Variants in HS3ST2 observed in about 807,000 individuals in gnomAD.
The protein encoded by HS3ST2 is heparan sulfate glucosamine 3-O-sulfotransferase 2.
HS3ST2 carries 17 observed loss-of-function variants against 26.3 expected under a neutral mutation model. That is an observed-to-expected ratio of 0.65 (90% CI 0.44 to 0.97). The LOEUF (loss-of-function observed/expected upper bound fraction) is 0.97, where lower values mean the gene tolerates loss of function less well. Among genes scored for constraint, HS3ST2 ranks in the 50% least tolerant of loss-of-function variants. The pLI is 0.00. For synonymous variants in HS3ST2, 237 were observed against 219.2 expected (o/e 1.08, Z -0.72); for missense variants, 402 against 501.2 (o/e 0.80, Z 1.89).
intron 1 of HS3ST2, among the ~76,000 whole-genome samples, chr16:22,894,406 C>T (rs1902176698): frequency 6.6e-6 from 1 of 152,198 alleles, no homozygotes; most frequent in South Asian, 2.1e-4. Context: ...TGTAGCTCCT[C>T]TTTCTAGAGA....
rs570380673 is a variant in HS3ST2 at position 22,903,568 on chromosome 16, G to A, written c.486-11376G>A. ...TCATAACTGTCACATCTCTATATTG[G>A]CAATGCTTAGTCCTGTGCCTGGCAT... is the stretch of plus-strand genomic sequence containing the variant. On this transcript the variant is annotated intron_variant, in intron 1 of 1. Transcript: ENST00000261374. Among the ~76,000 whole-genome samples, 30 of 152,232 alleles carry A rather than the reference G, an allele frequency of 2.0e-4. No homozygotes were observed. The South Asian group carries it at 6.2e-3, about 32-fold the overall frequency.
rs114529492 is a variant in HS3ST2 at position 22,851,426 on chromosome 16, G to A, written c.485+36331G>A. Among the ~76,000 whole-genome samples, 1,411 of 152,290 alleles carry A rather than the reference G, an allele frequency of 9.3e-3. 28 individuals are homozygous for A. Among genetic ancestry groups the A allele is most frequent in the African/African-American group, 0.032 (1,347 of 41,550 alleles). On this transcript the variant is annotated intron_variant, in intron 1 of 1. Transcript: ENST00000261374. ...CAAGGGGCTTGCTCAAAATCAAAGA[G>A]CCAATAATTGGCAAAACTAGAATTA...
rs144183513 is a variant in HS3ST2, at chr16:22,829,342, T to C, written c.485+14247T>C. ...AGAATAGGTGGGGATTTGTCCCATT[T>C]ATACAAGTCTTATTTAAATAGGGTA... is the stretch of plus-strand genomic sequence containing the variant. On this transcript the variant is annotated intron_variant, in intron 1 of 1. Coordinates refer to ENST00000261374, the MANE Select transcript of HS3ST2 (RefSeq NM_006043.2). Among the ~76,000 whole-genome samples, 984 of 152,332 alleles carry C rather than the reference T, an allele frequency of 6.5e-3. 14 individuals carry two copies. The highest frequency in any genetic ancestry group is 0.023 in the African/African-American group (936 of 41,564).
intron 1 of HS3ST2, among the ~76,000 whole-genome samples, chr16:22,831,495 T>G (rs1433643943): frequency 2.0e-5 from 3 of 152,160 alleles, no homozygotes; most frequent in Non-Finnish European, 4.4e-5. Context: ...TATTTTTAGG[T>G]CTCCTTCCCT....
intron 1 of HS3ST2, among the ~76,000 whole-genome samples, chr16:22,852,728 A>G (rs1901535240): frequency 6.6e-6 from 1 of 152,130 alleles, no homozygotes; most frequent in Non-Finnish European, 1.5e-5. Flanking sequence ...AAGCTCAGCC[A>G]TTTCTCTCAT....
intron 1 of HS3ST2, among the ~76,000 whole-genome samples, chr16:22,859,716 G>T (rs745430882): frequency 6.6e-6 from 1 of 152,128 alleles, no homozygotes; most frequent in Non-Finnish European, 1.5e-5. Flanking sequence ...TATAATCTAT[G>T]ATTTATAGCT....
chr16:22,851,971 A>G (rs1429237681), intron 1 of HS3ST2, among the ~76,000 whole-genome samples: 1 of 152,220 alleles, frequency 6.6e-6, no homozygotes, highest in Non-Finnish European at 1.5e-5. Context: ...AGACACGTGG[A>G]GCAGGCTTGG....
intron 1 of HS3ST2, among the ~76,000 whole-genome samples, chr16:22,895,070 C>CTTTTTTTTT (rs55861016): frequency 7.4e-6 from 1 of 134,724 alleles, no homozygotes. Context: ...TTCTTTCTTT[C>CTTTTTTTTT]TTTTTTTTTT....
intron 1 of HS3ST2, among the ~76,000 whole-genome samples, chr16:22,829,904 G>A (rs958248312): frequency 7.9e-5 from 12 of 152,148 alleles, no homozygotes; most frequent in Non-Finnish European, 1.5e-4. Flanking sequence ...GCTGTGCTTG[G>A]AAGACAAGAG....
intron 1 of HS3ST2, among the ~76,000 whole-genome samples, chr16:22,886,731 T>G (rs760623149): frequency 1.5e-4 from 23 of 152,150 alleles, no homozygotes; most frequent in Non-Finnish European, 2.9e-4. Context: ...TACTTCACAT[T>G]TTTAGTGTTA....
chr16:22,868,959 C>T (rs751700990), intron 1 of HS3ST2, among the ~76,000 whole-genome samples: 3 of 152,026 alleles, frequency 2.0e-5, no homozygotes, highest in Non-Finnish European at 4.4e-5. Flanking sequence ...GTAGAGTCTA[C>T]AGGGGAATCA....
chr16:22,836,000 T>A (rs1384681020), intron 1 of HS3ST2, among the ~76,000 whole-genome samples: 1 of 149,296 alleles, frequency 6.7e-6, no homozygotes, highest in Non-Finnish European at 1.5e-5. Context: ...AAAAAAAAAA[T>A]CCAAGACTTA....
chr16:22,905,058 G>A (rs1247890696), intron 1 of HS3ST2, among the ~76,000 whole-genome samples: 2 of 152,158 alleles, frequency 1.3e-5, no homozygotes, highest in African/African-American at 4.8e-5. Context: ...TTATCTCTCC[G>A]GAGACTGCAA....
At chr16:22,895,367 G>A (rs1347763306) in intron 1 of HS3ST2, among the ~76,000 whole-genome samples, 2 of 152,092 alleles carry the variant, frequency 1.3e-5, no homozygotes, top group Admixed American at 6.5e-5. Flanking sequence ...TGAGATTACA[G>A]GCACCTTTTT....
intron 1 of HS3ST2, among the ~76,000 whole-genome samples, chr16:22,841,658 A>C (rs766092941): frequency 5.3e-5 from 8 of 152,152 alleles, no homozygotes; most frequent in Non-Finnish European, 1.0e-4. Context: ...ATCAACCAAA[A>C]CCATATCATC....
At chr16:22,896,531 C>G (rs1902213170) in intron 1 of HS3ST2, among the ~76,000 whole-genome samples, 1 of 152,238 alleles carries the variant, frequency 6.6e-6, no homozygotes, top group Admixed American at 6.5e-5. Flanking sequence ...TATAACCACT[C>G]TGTCTTCCAT....
intron 1 of HS3ST2, among the ~76,000 whole-genome samples, chr16:22,852,644 C>G (rs1199837459): frequency 6.6e-6 from 1 of 152,172 alleles, no homozygotes; most frequent in Non-Finnish European, 1.5e-5. Flanking sequence ...CCTGCCCCTT[C>G]CCCTCTCTGT....
Position 22,914,143 on chromosome 16 carries a change from T to TA in HS3ST2, c.486-788dup, listed in dbSNP as rs752345485. 1.1e-3 allele frequency among the ~76,000 whole-genome samples: 160 copies of TA among 142,230 alleles called. 1 individual carries two copies. The highest frequency in any genetic ancestry group is 6.1e-3 in the East Asian group (30 of 4,930). The allele number at this position is 142,230 out of a possible 152,430, so 93.3% of individuals were successfully genotyped here. A position where few individuals can be genotyped will look rare whatever the true frequency, so the allele number is the denominator to read the frequency against. ...CAGAGTGAAGTGAGACCCTGTCTCT[T>TA]AAAAAAAAAAAAAGCAATTCTCATT... On this transcript the variant is annotated intron_variant, in intron 1 of 1. Transcript: ENST00000261374.
chr16:22,831,606 A>G (rs78438963), intron 1 of HS3ST2, among the ~76,000 whole-genome samples: 3 of 133,112 alleles, frequency 2.3e-5, no homozygotes, highest in Admixed American at 7.3e-5. Flanking sequence ...TTTTTTTTTT[A>G]CAATCTCAGT....
Sources: gnomAD v4.1 joint callset for allele counts (sites outside exome capture counted in the v4.1 genomes callset) on GRCh38, gnomAD v4.1.1 for gene constraint, MANE v1.5 for transcripts, NCBI Gene and HGNC (gene_info 2026-07-23, HGNC 2026-07-21) for gene names.